RYR2: variants seen among roughly 807,000 people sequenced by gnomAD.
RYR2 encodes the protein ryanodine receptor 2.
RYR2 carries 227 observed loss-of-function variants against 601.1 expected under a neutral mutation model. That is an observed-to-expected ratio of 0.38 (90% confidence interval 0.34 to 0.42). The LOEUF (loss-of-function observed/expected upper bound fraction) is 0.42. RYR2 is among the 10% of genes least tolerant of loss of function. The probability of loss-of-function intolerance (pLI) is 1.00; values close to 1 mark genes in which losing one functional copy is unlikely to be tolerated. For synonymous variants in RYR2, 2,223 were observed against 2,175.1 expected (o/e 1.02, Z -0.61); for missense variants, 4,646 against 6,156.5 (o/e 0.75, Z 8.21).
At chr1:237,421,225 C>T (rs998560054) in intron 11 of RYR2, among the ~76,000 whole-genome samples, 6 of 152,120 alleles carry the variant, frequency 3.9e-5, no homozygotes, top group Admixed American at 2.0e-4. Flanking sequence ...GGTGACAGAG[C>T]GAGACTCCGT....
intron 1 of RYR2, among the ~76,000 whole-genome samples, chr1:237,255,458 G>C (rs1304661401): frequency 6.6e-6 from 1 of 152,060 alleles, no homozygotes; most frequent in Non-Finnish European, 1.5e-5. Context: ...TTTTCTAAAA[G>C]TTAAAACATT....
At chr1:237,048,447 G>A (rs1017867540) in intron 1 of RYR2, among the ~76,000 whole-genome samples, 1 of 150,970 alleles carries the variant, frequency 6.6e-6, no homozygotes, top group African/African-American at 2.4e-5. Flanking sequence ...GCAACAAATC[G>A]GCAACCCACC....
intron 1 of RYR2, among the ~76,000 whole-genome samples, chr1:237,215,039 A>T (rs996456679): frequency 6.6e-6 from 1 of 152,162 alleles, no homozygotes; most frequent in Non-Finnish European, 1.5e-5. Flanking sequence ...GAAGGTGAGG[A>T]TCTTTATGGT....
rs370473584 is a variant in RYR2 at position 237,792,372 on chromosome 1, T to TGCGCGCGC, written c.13782+50_13782+51insCGCGCGCG. ...ACCTGTGTGTGTGTGTGTGTGTGTG[T>TGCGCGCGC]GTGTGTGTGCGTGTGTGTGTGTGTG... is the stretch of plus-strand genomic sequence containing the variant. On this transcript the variant is annotated intron_variant, in intron 94 of 104. Transcript: ENST00000366574. 9.7e-5 allele frequency: 87 copies of TGCGCGCGC among 897,234 alleles called. 1 individual carries two copies. The highest frequency in any genetic ancestry group is 3.0e-4 in the African/African-American group (12 of 39,814). The allele number at this position is 897,234 out of a possible 1,614,324, so 55.6% of individuals were successfully genotyped here.
At chr1:237,165,588 GC>G (rs1204725424) in intron 1 of RYR2, among the ~76,000 whole-genome samples, 1 of 152,138 alleles carries the variant, frequency 6.6e-6, no homozygotes, top group Non-Finnish European at 1.5e-5. Flanking sequence ...GTGAGGCTGG[GC>G]ATGGTGGCTC....
intron 14 of RYR2, among the ~76,000 whole-genome samples, chr1:237,453,173 T>G (rs999942600): frequency 6.6e-6 from 1 of 152,072 alleles, no homozygotes; most frequent in Non-Finnish European, 1.5e-5. Context: ...AATTTTCTAC[T>G]GAAAAGTCAC....
chr1:237,680,585 G>A lies in RYR2; in HGVS notation c.9017+8G>A, dbSNP rs1250243886. 1 of 1,590,568 alleles carries A rather than the reference G, an allele frequency of 6.3e-7. No individual in the cohort carries two copies. The stretch of plus-strand genomic sequence containing the variant: ...GAAAGAAATGGTGACTAGGTAAACA[G>A]CTATAAAAATAAGCACTGTTGTATG... On this transcript the variant is annotated splice_region_variant and intron_variant, in intron 62 of 104. Coordinates refer to ENST00000366574, the MANE Select transcript of RYR2 (RefSeq NM_001035.3).
At chr1:237,676,871 C>T (rs186974028) in intron 60 of RYR2, among the ~76,000 whole-genome samples, 2,045 of 152,118 alleles carry the variant, frequency 0.013, 15 homozygotes, top group Non-Finnish European at 0.021. Flanking sequence ...CTATTTAATT[C>T]ATTGAAATAT....
At chr1:237,618,003 T>C (rs186146719) in intron 38 of RYR2, among the ~76,000 whole-genome samples, 2 of 152,170 alleles carry the variant, frequency 1.3e-5, no homozygotes, top group Admixed American at 1.3e-4. Flanking sequence ...ATGGGCTAGT[T>C]GGGGGATGTA....
intron 24 of RYR2, among the ~76,000 whole-genome samples, chr1:237,524,445 G>A (rs542044496): frequency 2.4e-4 from 36 of 152,286 alleles, no homozygotes; most frequent in South Asian, 1.4e-3. Context: ...TCATGGGCTC[G>A]TGGAAATGGT....
intron 79 of RYR2, among the ~76,000 whole-genome samples, chr1:237,735,890 T>G (rs1343322250): frequency 6.6e-6 from 1 of 152,202 alleles, no homozygotes; most frequent in Non-Finnish European, 1.5e-5. Flanking sequence ...TCTCCAAATA[T>G]TTTCTATCCA....
intron 19 of RYR2, among the ~76,000 whole-genome samples, 185 bp downstream of exon 19, chr1:237,493,272 T>G (rs1464552125): frequency 6.6e-6 from 1 of 152,180 alleles, no homozygotes; most frequent in African/African-American, 2.4e-5. Flanking sequence ...TAAATGAACC[T>G]AGCAAAATAT....
intron 56 of RYR2, among the ~76,000 whole-genome samples, chr1:237,664,710 T>C (rs1050637028): frequency 6.6e-6 from 1 of 152,234 alleles, no homozygotes; most frequent in East Asian, 1.9e-4. Context: ...GGTGGGGACA[T>C]AGACATAATA....
chr1:237,332,433 T>C, intron 3 of RYR2, among the ~76,000 whole-genome samples: 1 of 152,154 alleles, frequency 6.6e-6, no homozygotes, highest in Middle Eastern at 3.2e-3. Context: ...ATTATTAAAA[T>C]ATATAAAGTT....
At chr1:237,158,529 A>T (rs1675645816) in intron 1 of RYR2, among the ~76,000 whole-genome samples, 1 of 152,192 alleles carries the variant, frequency 6.6e-6, no homozygotes, top group South Asian at 2.1e-4. Context: ...CACAAATCAG[A>T]CAATTTTCCC....
chr1:237,806,088 ATGCGTTC>A, intron 98 of RYR2, 42 bp from the exon 99 acceptor site: 1 of 1,555,626 alleles, frequency 6.4e-7, no homozygotes, highest in Non-Finnish European at 8.9e-7. Context: ...AACAATAGTC[ATGCGTTC>A]TGTTTTCTGA....
intron 1 of RYR2, among the ~76,000 whole-genome samples, chr1:237,154,355 T>G (rs1675075395): frequency 6.6e-6 from 1 of 152,218 alleles, no homozygotes. Flanking sequence ...AGTGCTTTGG[T>G]GCAGGCAGCC....
intron 62 of RYR2, among the ~76,000 whole-genome samples, chr1:237,683,626 A>G (rs1398071344): frequency 3.3e-5 from 5 of 152,220 alleles, no homozygotes; most frequent in Admixed American, 6.5e-5. Context: ...GGTAGGTTAT[A>G]TAGATGGTAA....
At chr1:237,683,189 A>T (rs1243271772) in intron 62 of RYR2, among the ~76,000 whole-genome samples, 2 of 152,238 alleles carry the variant, frequency 1.3e-5, no homozygotes, top group African/African-American at 2.4e-5. Flanking sequence ...CGCATGATAA[A>T]CACTATGATA....
Sources: allele counts gnomAD v4.1 joint callset (sites outside exome capture counted in the v4.1 genomes callset), GRCh38; gene constraint gnomAD v4.1.1; transcripts MANE v1.5; gene names NCBI Gene and HGNC (gene_info 2026-07-23, HGNC 2026-07-21).